ZBTB40: variants seen among roughly 807,000 people sequenced by gnomAD.
ZBTB40 encodes the protein zinc finger and BTB domain containing 40.
In ZBTB40, 60 loss-of-function variants were observed where a neutral mutation model predicts 117.5. That is an observed-to-expected ratio of 0.51 (90% CI 0.41 to 0.63). The LOEUF (loss-of-function observed/expected upper bound fraction) is 0.63. ZBTB40 is among the 30% of genes least tolerant of loss of function. The pLI, the probability that ZBTB40 is intolerant of heterozygous loss-of-function variation, is 0.00. For synonymous variants in ZBTB40, 525 were observed against 577.1 expected, an observed-to-expected ratio of 0.91 and a Z score of 1.29; for missense variants, 1,287 against 1,498.5, an observed-to-expected ratio of 0.86 and a Z score of 2.33.
At chr1:22,454,774 G>A (rs1640966571) in intron 1 of ZBTB40, among the ~76,000 whole-genome samples, 1 of 152,262 alleles carries the variant, frequency 6.6e-6, no homozygotes, top group Admixed American at 6.5e-5. Context: ...GTGGATAATG[G>A]TGCCTCCTCA....
chr1:22,494,091 G>T (rs1553134673), intron 3 of ZBTB40, among the ~76,000 whole-genome samples: 1 of 152,068 alleles, frequency 6.6e-6, no homozygotes, highest in Non-Finnish European at 1.5e-5. Context: ...GAGGTCAGTA[G>T]GTAACAACTG....
At chr1:22,478,326 C>T (rs756168847) in intron 1 of ZBTB40, among the ~76,000 whole-genome samples, 5 of 152,146 alleles carry the variant, frequency 3.3e-5, no homozygotes, top group Non-Finnish European at 7.3e-5. Context: ...TGGTTCACTG[C>T]AAGCTCCGCC....
chr1:22,475,162 G>A (rs1390705342), intron 1 of ZBTB40, among the ~76,000 whole-genome samples: 2 of 152,148 alleles, frequency 1.3e-5, no homozygotes, highest in Non-Finnish European at 2.9e-5. Context: ...ACCTCAAACT[G>A]TTTATTGGGA....
intron 1 of ZBTB40, among the ~76,000 whole-genome samples, chr1:22,487,382 C>T (rs1291904312): frequency 6.6e-6 from 1 of 152,132 alleles, no homozygotes; most frequent in East Asian, 1.9e-4. Context: ...TCTTAGCGTA[C>T]TTTTTTCTTT....
chr1:22,511,230 G>C lies in ZBTB40; in HGVS notation c.1885G>C (p.Val629Leu). ...TASPEASLRAVLSRAMEKSVP... is the reference protein window; with the variant it reads ...TASPEASLRALLSRAMEKSVP... ...CAGCCCTGAAGCTTCCCTGAGAGCA[G>C]TGCTGAGCAGAGCCATGGAAAAATC... Residue 629 changes from valine to leucine, a missense_variant, in exon 10 of 18, where the codon GTG becomes CTG. Physicochemically the swap from Val to Leu is conservative, Grantham distance 32 (BLOSUM62 1). This residue lies in a region of ZBTB40 where 870 missense variants were observed against 934.4 expected (regional missense o/e 0.93). Coordinates refer to ENST00000375647, the MANE Select transcript of ZBTB40 (RefSeq NM_014870.4). The C allele has an allele frequency of 6.2e-7, 1 of 1,614,008 alleles. No homozygotes were observed. The highest frequency in any genetic ancestry group is 8.5e-7 in the Non-Finnish European group (1 of 1,180,028).
At chr1:22,437,219 A>T (rs1323741213) in intron 1 of ZBTB40, among the ~76,000 whole-genome samples, 1 of 152,204 alleles carries the variant, frequency 6.6e-6, no homozygotes, top group Non-Finnish European at 1.5e-5. Context: ...TACAGAAATC[A>T]TAATTTACCA....
rs1394451877 is a variant in ZBTB40 at position 22,490,594 on chromosome 1, TC to T, written c.650del (p.Pro217LeufsTer25). ...TACTACAGCTGAAGCTTGTTCCCCC[TC>T]CCCTGCTGTGCAAACCTTTAGTGAG... ...TPTTAEACSP[S>X]PAVQTFSEAK... is the part of the protein sequence containing the mutation. On this transcript the variant is annotated frameshift_variant, in exon 2 of 18. Transcript: ENST00000375647. LOFTEE classifies it high-confidence loss of function. 6.2e-7 allele frequency: 1 copy of T among 1,613,918 alleles called. No individual in the cohort carries two copies. The highest frequency in any genetic ancestry group is 1.7e-5 in the Admixed American group (1 of 60,006).
At chr1:22,511,086 G>A in intron 9 of ZBTB40, 93 bp from the exon 10 acceptor site, 1 of 1,427,108 alleles carries the variant, frequency 7.0e-7, no homozygotes, top group South Asian at 1.2e-5. Flanking sequence ...TGCCTTCCTG[G>A]GATTAGCTTT....
At chr1:22,442,908 A>G (rs1640749497) in intron 1 of ZBTB40, among the ~76,000 whole-genome samples, 1 of 152,058 alleles carries the variant, frequency 6.6e-6, no homozygotes, top group African/African-American at 2.4e-5. Context: ...ACATATTTTG[A>G]TGGTGTGTAA....
chr1:22,476,784 T>C, intron 1 of ZBTB40, among the ~76,000 whole-genome samples: 1 of 152,228 alleles, frequency 6.6e-6, no homozygotes, highest in East Asian at 1.9e-4. Flanking sequence ...CTTCTGTTGC[T>C]TAAACGTTCT....
At chr1:22,515,082 A>G (rs1020588814) in intron 12 of ZBTB40, among the ~76,000 whole-genome samples, 1 of 152,238 alleles carries the variant, frequency 6.6e-6, no homozygotes, top group Non-Finnish European at 1.5e-5. Context: ...TTGTATCATC[A>G]GAGAAGGCCT....
chr1:22,483,951 T>A (rs1638396599), intron 1 of ZBTB40, among the ~76,000 whole-genome samples: 1 of 152,246 alleles, frequency 6.6e-6, no homozygotes, highest in Non-Finnish European at 1.5e-5. Flanking sequence ...ATGTCTAGAT[T>A]CATTTTTTCG....
At chr1:22,520,948 G>T (rs759132683) in intron 14 of ZBTB40, among the ~76,000 whole-genome samples, 6 of 152,250 alleles carry the variant, frequency 3.9e-5, no homozygotes, top group Admixed American at 2.0e-4. Context: ...CTAGGATGGC[G>T]TGGAATGGTA....
chr1:22,457,313 A>G (rs1360621452), intron 1 of ZBTB40, among the ~76,000 whole-genome samples: 1 of 152,216 alleles, frequency 6.6e-6, no homozygotes, highest in East Asian at 1.9e-4. Flanking sequence ...GACTTCTGAA[A>G]AAGGCAATTC....
intron 3 of ZBTB40, among the ~76,000 whole-genome samples, chr1:22,495,769 G>A (rs1323120794): frequency 2.0e-5 from 3 of 152,144 alleles, no homozygotes; most frequent in Admixed American, 6.5e-5. Context: ...ACCCGCCTTG[G>A]CCTCCCAAAG....
intron 1 of ZBTB40, among the ~76,000 whole-genome samples, chr1:22,468,100 AAAAG>A (rs1163133969): frequency 1.3e-5 from 2 of 151,922 alleles, no homozygotes; most frequent in Non-Finnish European, 2.9e-5. Context: ...AAAAAAAAAA[AAAAG>A]AAAAGAAGCT....
At chr1:22,459,090 A>C (rs1161762273) in intron 1 of ZBTB40, among the ~76,000 whole-genome samples, 1 of 152,194 alleles carries the variant, frequency 6.6e-6, no homozygotes, top group African/African-American at 2.4e-5. Flanking sequence ...GTTTCTTTTT[A>C]TGAGATAAAG....
chr1:22,460,097 C>T (rs1478391648), intron 1 of ZBTB40, among the ~76,000 whole-genome samples: 1 of 152,146 alleles, frequency 6.6e-6, no homozygotes, highest in African/African-American at 2.4e-5. Context: ...TTATATTGTT[C>T]CCTAAATCTC....
intron 11 of ZBTB40, 41 bp from the exon 12 acceptor site, chr1:22,512,883 G>A (rs780207871): frequency 6.2e-7 from 1 of 1,605,112 alleles, no homozygotes; most frequent in Non-Finnish European, 8.5e-7. Context: ...ACACTGATTA[G>A]TAGCATCTCT....
Sources: allele counts gnomAD v4.1 joint callset (sites outside exome capture counted in the v4.1 genomes callset), GRCh38; gene constraint gnomAD v4.1.1; regional missense constraint gnomAD v4.1.1; transcripts MANE v1.5; gene names NCBI Gene and HGNC (gene_info 2026-07-23, HGNC 2026-07-21).